Variants in TPD52 observed in about 807,000 individuals in gnomAD.
The protein encoded by TPD52 is tumor protein D52, also known as prostate and colon associated protein.
TPD52 carries 17 observed loss-of-function variants against 31.3 expected under a neutral mutation model. That is an observed-to-expected ratio of 0.54 (90% confidence interval 0.37 to 0.82). The LOEUF (loss-of-function observed/expected upper bound fraction) is 0.82, where lower values mean the gene tolerates loss of function less well. Among genes scored for constraint, TPD52 ranks in the 40% least tolerant of loss-of-function variants. TPD52 has a pLI of 0.00. For synonymous variants in TPD52, 83 were observed against 89.6 expected (o/e 0.93, Z 0.42); for missense variants, 212 against 240.1 (o/e 0.88, Z 0.77).
chr8:80,098,491 A>T (rs1024529861), intron 1 of TPD52, among the ~76,000 whole-genome samples: 8 of 152,208 alleles, frequency 5.3e-5, no homozygotes, highest in Admixed American at 6.5e-5. Context: ...GAGGCTTAAG[A>T]CTTCAGTGGA....
At position 80,038,366 on chromosome 8, in the gene TPD52, T is replaced by C. The variant is rs1285640989; in HGVS notation, c.505-131A>G. On this transcript the variant is annotated intron_variant, in intron 7 of 7. Transcript: ENST00000518937. ...CTTATAGCTCAGTGATTATTATATA[T>C]GTATGGAATTTAGTATTGTTGCAAT... 8.8e-6 allele frequency: 8 copies of C among 908,208 alleles called. No homozygotes were observed. The East Asian group carries it at 1.6e-4, about 18-fold the overall frequency. 56.3% of individuals were successfully genotyped at this position (908,208 alleles called of 1,614,324 possible).
At chr8:80,130,182 T>A (rs891385283) in intron 1 of TPD52, among the ~76,000 whole-genome samples, 3 of 151,654 alleles carry the variant, frequency 2.0e-5, no homozygotes, top group Non-Finnish European at 4.4e-5. Flanking sequence ...GTTTTGCAAG[T>A]TTGGAATAGA....
intron 2 of TPD52, among the ~76,000 whole-genome samples, chr8:80,054,071 G>A (rs1443268487): frequency 2.0e-5 from 3 of 152,224 alleles, no homozygotes; most frequent in Non-Finnish European, 4.4e-5. Flanking sequence ...GACTTGACTA[G>A]GTGGTTAGAG....
At chr8:80,152,560 C>T (rs1302406300) in intron 1 of TPD52, among the ~76,000 whole-genome samples, 1 of 152,072 alleles carries the variant, frequency 6.6e-6, no homozygotes, top group African/African-American at 2.4e-5. Flanking sequence ...GCAGGTAGAT[C>T]ACCTGAGGTC....
intron 1 of TPD52, among the ~76,000 whole-genome samples, chr8:80,081,545 C>G (rs967271146): frequency 3.3e-5 from 5 of 151,710 alleles, no homozygotes; most frequent in East Asian, 1.9e-4. Flanking sequence ...AGGCAGTGTT[C>G]TAATCTAATC....
At chr8:80,086,828 C>T (rs1350635658) in intron 1 of TPD52, among the ~76,000 whole-genome samples, 27 of 120,892 alleles carry the variant, frequency 2.2e-4, no homozygotes, top group African/African-American at 7.3e-4. Context: ...GAGCTGAGAT[C>T]GTGCCACTGC....
chr8:80,048,261 T>TA (rs1811064004), intron 5 of TPD52, among the ~76,000 whole-genome samples: 1 of 152,182 alleles, frequency 6.6e-6, no homozygotes, highest in African/African-American at 2.4e-5. Context: ...AATCAAGGCA[T>TA]AAGGCAAATA....
intron 1 of TPD52, among the ~76,000 whole-genome samples, chr8:80,141,142 T>A (rs935647917): frequency 2.0e-5 from 3 of 152,040 alleles, no homozygotes; most frequent in African/African-American, 7.3e-5. Flanking sequence ...GAAGGTTAAT[T>A]CCACATCACA....
chr8:80,080,285 C>G (rs1202200745), intron 1 of TPD52: 4 of 1,604,272 alleles, frequency 2.5e-6, no homozygotes, highest in African/African-American at 2.7e-5. Context: ...TTATTCCAAG[C>G]AAACTTAACT....
chr8:80,086,796 C>T (rs1302248390), intron 1 of TPD52, among the ~76,000 whole-genome samples: 1 of 143,950 alleles, frequency 6.9e-6, no homozygotes, highest in South Asian at 2.2e-4. Flanking sequence ...ATTGCTTGAA[C>T]CCGGGAAGCG....
intron 1 of TPD52, among the ~76,000 whole-genome samples, chr8:80,069,316 A>G (rs1813500345): frequency 6.6e-6 from 1 of 151,994 alleles, no homozygotes; most frequent in African/African-American, 2.4e-5. Flanking sequence ...CTCAAAAACC[A>G]TTAGCCGGGT....
intron 5 of TPD52, among the ~76,000 whole-genome samples, chr8:80,046,960 GAGA>G (rs1421921475): frequency 1.3e-5 from 2 of 152,176 alleles, no homozygotes; most frequent in African/African-American, 4.8e-5. Context: ...GCGGGAGGAG[GAGA>G]AGGGAAAGTT....
chr8:80,092,530 C>T (rs1046143015), intron 1 of TPD52, among the ~76,000 whole-genome samples: 1 of 152,062 alleles, frequency 6.6e-6, no homozygotes, highest in African/African-American at 2.4e-5. Flanking sequence ...AACCTATATT[C>T]ATTAATAGTT....
downstream of TPD52, among the ~76,000 whole-genome samples, chr8:80,031,139 A>G (rs1303333177): frequency 6.6e-6 from 1 of 151,798 alleles, no homozygotes; most frequent in Non-Finnish European, 1.5e-5. Flanking sequence ...GCAGTTTAAT[A>G]TTAATCCACA....
chr8:80,156,116 C>T (rs1019200341), intron 1 of TPD52, among the ~76,000 whole-genome samples: 1 of 152,150 alleles, frequency 6.6e-6, no homozygotes, highest in Non-Finnish European at 1.5e-5. Flanking sequence ...CTGCTCCACT[C>T]AGCCTCAGTT....
intron 1 of TPD52, among the ~76,000 whole-genome samples, chr8:80,134,673 G>A (rs1809265389): frequency 6.6e-6 from 1 of 152,180 alleles, no homozygotes; most frequent in Admixed American, 6.5e-5. Flanking sequence ...AGCTCCAAGT[G>A]GAGGTCCACA....
intron 5 of TPD52, among the ~76,000 whole-genome samples, chr8:80,048,390 T>G (rs75620050): frequency 0.027 from 4,074 of 152,332 alleles, 206 homozygotes; most frequent in African/African-American, 0.092. Flanking sequence ...ATAATTACAT[T>G]AAGGAGTAAA....
intron 1 of TPD52, among the ~76,000 whole-genome samples, chr8:80,118,434 C>T (rs1331528149): frequency 1.3e-5 from 2 of 152,188 alleles, no homozygotes; most frequent in Non-Finnish European, 2.9e-5. Flanking sequence ...ATAAATTGGA[C>T]ATCATCAACA....
chr8:80,060,097 G>A (rs1305373006), intron 2 of TPD52, among the ~76,000 whole-genome samples: 19 of 128,310 alleles, frequency 1.5e-4, no homozygotes, highest in Admixed American at 1.6e-4. Context: ...AAAAAAAAAA[G>A]AAAAGAAAAA....
Sources: gnomAD v4.1 joint callset for allele counts (sites outside exome capture counted in the v4.1 genomes callset) on GRCh38, gnomAD v4.1.1 for gene constraint, MANE v1.5 for transcripts, NCBI Gene and HGNC (gene_info 2026-07-23, HGNC 2026-07-21) for gene names.